Variants in MTA3 observed in about 807,000 individuals in gnomAD.
MTA3 encodes metastasis-associated protein MTA3.
MTA3 carries 34 observed loss-of-function variants against 83.5 expected under a neutral mutation model. That is an observed-to-expected ratio of 0.41 (90% CI 0.31 to 0.54). MTA3 has a LOEUF of 0.54. Ranked by LOEUF, MTA3 falls within the 20% of genes least tolerant of loss-of-function variation. The pLI is 0.33. For missense variants in MTA3, 761 were observed against 726.4 expected (o/e 1.05, Z -0.55); for synonymous variants, 303 against 252.7 (o/e 1.20, Z -1.89).
chr2:42,527,323 A>C (rs2103710792), intron 2 of MTA3, among the ~76,000 whole-genome samples: 1 of 152,204 alleles, frequency 6.6e-6, no homozygotes, highest in South Asian at 2.1e-4. Context: ...GCATAAATGG[A>C]CCTGATCAGG....
intron 2 of MTA3, among the ~76,000 whole-genome samples, chr2:42,549,313 A>G (rs1676967295): frequency 8.9e-6 from 1 of 112,988 alleles, no homozygotes; most frequent in Non-Finnish European, 1.7e-5. Context: ...CGTATATAAT[A>G]TATAATATAT....
At chr2:42,624,045 G>A (rs1467263069) in intron 4 of MTA3, among the ~76,000 whole-genome samples, 1 of 151,958 alleles carries the variant, frequency 6.6e-6, no homozygotes, top group Admixed American at 6.6e-5. Context: ...TGGTTGGAGG[G>A]GTAAAAGGGA....
chr2:42,745,657 A>G (rs1314506172), intron 16 of MTA3, among the ~76,000 whole-genome samples: 1 of 152,026 alleles, frequency 6.6e-6, no homozygotes, highest in African/African-American at 2.4e-5. Context: ...AAGTACTGGG[A>G]TTACAGATAT....
intron 2 of MTA3, among the ~76,000 whole-genome samples, chr2:42,573,506 C>G (rs148915697): frequency 4.7e-4 from 72 of 152,158 alleles, no homozygotes; most frequent in Non-Finnish European, 8.8e-4. Context: ...ACCACCATAC[C>G]TGGCTAATTT....
At chr2:42,511,742 G>C (rs1485364166) in intron 2 of MTA3, 1 of 152,132 alleles carries the variant, frequency 6.6e-6, no homozygotes, top group Non-Finnish European at 1.5e-5. Flanking sequence ...AAATAGGCCA[G>C]GCGCGGTGGC....
At position 42,641,920 on chromosome 2, in the gene MTA3, G is replaced by C. The variant is rs187161400; in HGVS notation, c.381+1684G>C. On this transcript the variant is annotated intron_variant, in intron 5 of 16. Transcript: ENST00000405094. ...ATGAGGATTGAAAAATTACCTATTG[G>C]GTACACTGTTCACTATTCAGGTGAT... Among the ~76,000 whole-genome samples, 871 of 151,660 alleles carry C rather than the reference G, an allele frequency of 5.7e-3. 10 individuals are homozygous for C. The highest frequency in any genetic ancestry group is 6.8e-3 in the Middle Eastern group (2 of 292).
intron 2 of MTA3, among the ~76,000 whole-genome samples, chr2:42,575,021 TAGAA>T (rs1394163437): frequency 1.3e-5 from 2 of 152,220 alleles, no homozygotes; most frequent in Non-Finnish European, 2.9e-5. Context: ...TCAGTTTAAT[TAGAA>T]AGTTAATTAC....
intron 8 of MTA3, among the ~76,000 whole-genome samples, chr2:42,660,320 C>T (rs1021289237): frequency 1.3e-5 from 2 of 152,178 alleles, no homozygotes; most frequent in Admixed American, 6.5e-5. Context: ...AACTTCTGAC[C>T]TTGTGATCCA....
rs368638470 is a variant in MTA3, at chr2:42,612,432, T to C, written c.317+2848T>C. Among the ~76,000 whole-genome samples, 49 of 152,242 alleles carry C rather than the reference T, an allele frequency of 3.2e-4. 1 individual carries two copies. In the South Asian group the frequency reaches 0.01, roughly 32 times the overall value. On this transcript the variant is annotated intron_variant, in intron 4 of 16. Transcript: ENST00000405094. ...TGTCTTGCCATGGTGGCCAGACTGG[T>C]CTTGAACTCTTGACCTAAAGTGATC...
intron 9 of MTA3, among the ~76,000 whole-genome samples, chr2:42,688,204 T>C (rs1692560576): frequency 6.6e-6 from 1 of 152,196 alleles, no homozygotes; most frequent in African/African-American, 2.4e-5. Flanking sequence ...TGCACATAAC[T>C]GGGACTACAG....
At chr2:42,679,838 T>A (rs567201100) in intron 8 of MTA3, among the ~76,000 whole-genome samples, 1 of 140,914 alleles carries the variant, frequency 7.1e-6, no homozygotes, top group African/African-American at 2.8e-5. Context: ...TGGCTGTGTG[T>A]TGTTTTTTTT....
intron 11 of MTA3, chr2:42,702,496 C>G (rs59563517): frequency 6.6e-6 from 1 of 152,190 alleles, no homozygotes; most frequent in Non-Finnish European, 1.5e-5. Context: ...AGTGGAAGAC[C>G]TTGAGTCAAC....
At chr2:42,508,133 C>T (rs977914459) in intron 2 of MTA3, among the ~76,000 whole-genome samples, 8 of 152,092 alleles carry the variant, frequency 5.3e-5, no homozygotes, top group Non-Finnish European at 1.2e-4. Flanking sequence ...TGTCCCAGAG[C>T]ATTAGGTGGG....
At chr2:42,653,866 T>C (rs1688930784) in intron 6 of MTA3, among the ~76,000 whole-genome samples, 1 of 152,244 alleles carries the variant, frequency 6.6e-6, no homozygotes, top group South Asian at 2.1e-4. Flanking sequence ...ATTTCTTGTG[T>C]GTTATTTAAA....
chr2:42,699,342 T>C (rs1693656649), intron 11 of MTA3, among the ~76,000 whole-genome samples: 1 of 152,052 alleles, frequency 6.6e-6, no homozygotes, highest in Non-Finnish European at 1.5e-5. Context: ...GCTGGGACTA[T>C]AGGCACGCAC....
chr2:42,590,908 A>T (rs186689245), intron 3 of MTA3, among the ~76,000 whole-genome samples: 1 of 152,170 alleles, frequency 6.6e-6, no homozygotes, highest in African/African-American at 2.4e-5. Flanking sequence ...AGTTTTCATG[A>T]CTGTGTGTTA....
chr2:42,545,248 C>T (rs1049387444), intron 2 of MTA3, among the ~76,000 whole-genome samples: 1 of 152,154 alleles, frequency 6.6e-6, no homozygotes, highest in African/African-American at 2.4e-5. Flanking sequence ...TATGGTGGCA[C>T]ACGCCTGTAC....
intron 8 of MTA3, among the ~76,000 whole-genome samples, chr2:42,681,478 G>A (rs575422249): frequency 1.3e-5 from 2 of 152,098 alleles, no homozygotes; most frequent in African/African-American, 4.8e-5. Flanking sequence ...TGTGTATCTT[G>A]CACAAGAGCT....
chr2:42,542,917 C>T (rs565905641), intron 2 of MTA3, among the ~76,000 whole-genome samples: 11 of 152,116 alleles, frequency 7.2e-5, no homozygotes, highest in African/African-American at 2.6e-4. Context: ...ATACAACTAT[C>T]CTTCATACAA....
Sources: gnomAD v4.1 joint callset for allele counts (sites outside exome capture counted in the v4.1 genomes callset) on GRCh38, gnomAD v4.1.1 for gene constraint, MANE v1.5 for transcripts, NCBI Gene and HGNC (gene_info 2026-07-23, HGNC 2026-07-21) for gene names.